THSD4: variants seen among roughly 807,000 people sequenced by gnomAD.
THSD4 encodes thrombospondin type 1 domain containing 4, also known as thrombospondin type-1 domain-containing protein 4.
In THSD4, 69 loss-of-function variants were observed where a neutral mutation model predicts 119.0. The ratio of observed to expected loss-of-function variants is 0.58; its 90% CI spans 0.48 to 0.71. The LOEUF is 0.71. Among genes scored for constraint, THSD4 ranks in the 30% least tolerant of loss-of-function variants. The probability of loss-of-function intolerance (pLI) is 0.00; values close to 1 mark genes in which losing one functional copy is unlikely to be tolerated. For missense variants in THSD4, 1,393 were observed against 1,391.1 expected (o/e 1.00, Z -0.02); for synonymous variants, 524 against 540.4 (o/e 0.97, Z 0.42).
chr15:71,359,677 G>A (rs111556851), intron 6 of THSD4, among the ~76,000 whole-genome samples: 2,992 of 152,254 alleles, frequency 0.02, 103 homozygotes, highest in African/African-American at 0.069. Context: ...AGGTGTGATG[G>A]TGTGCACCTG....
chr15:71,277,571 CCTTTTA>C, intron 6 of THSD4, among the ~76,000 whole-genome samples: 1 of 152,098 alleles, frequency 6.6e-6, no homozygotes, highest in East Asian at 1.9e-4. Flanking sequence ...TGTTTGAGGC[CCTTTTA>C]CTTAGTAACC....
intron 7 of THSD4, among the ~76,000 whole-genome samples, chr15:71,510,195 C>G (rs1017030610): frequency 6.6e-6 from 1 of 152,222 alleles, no homozygotes; most frequent in Non-Finnish European, 1.5e-5. Context: ...AGCACAGTGT[C>G]TAGTGTCTGG....
At chr15:71,512,019 ATTATT>A (rs2048290948) in intron 7 of THSD4, among the ~76,000 whole-genome samples, 2 of 152,164 alleles carry the variant, frequency 1.3e-5, no homozygotes, top group African/African-American at 4.8e-5. Flanking sequence ...GTAATGACCT[ATTATT>A]TTGGCTTCAT....
intron 6 of THSD4, among the ~76,000 whole-genome samples, chr15:71,373,375 C>T (rs944910758): frequency 4.6e-5 from 7 of 152,052 alleles, no homozygotes; most frequent in Non-Finnish European, 1.0e-4. Context: ...CTGTTATTTC[C>T]TTTCTTTATT....
intron 7 of THSD4, among the ~76,000 whole-genome samples, chr15:71,514,711 T>G (rs1052987405): frequency 3.3e-5 from 5 of 152,344 alleles, no homozygotes; most frequent in African/African-American, 9.6e-5. Flanking sequence ...ATGGTCTTAT[T>G]ATCCCGTGAT....
At chr15:71,281,979 A>G (rs936127010) in intron 6 of THSD4, among the ~76,000 whole-genome samples, 42 of 152,358 alleles carry the variant, frequency 2.8e-4, no homozygotes, top group Middle Eastern at 6.8e-3. Context: ...AAGGCCTCAG[A>G]TTCCCCATTA....
At chr15:71,172,587 A>G (rs2043379880) in intron 3 of THSD4, among the ~76,000 whole-genome samples, 1 of 149,282 alleles carries the variant, frequency 6.7e-6, no homozygotes, top group South Asian at 2.1e-4. Flanking sequence ...CATAATATTT[A>G]TATTATTAGC....
At chr15:71,721,504 C>G (rs1423096416) in intron 8 of THSD4, among the ~76,000 whole-genome samples, 1 of 34,030 alleles carries the variant, frequency 2.9e-5, no homozygotes, top group African/African-American at 4.6e-5. Context: ...GAGATTCTGT[C>G]TTAAAAAAAA....
At chr15:71,588,536 G>A (rs60236541) in intron 7 of THSD4, among the ~76,000 whole-genome samples, 10,059 of 151,886 alleles carry the variant, frequency 0.066, 366 homozygotes, top group Admixed American at 0.12. Context: ...TGATCCTCCT[G>A]CCTCAGCCTC....
chr15:71,320,680 C>A (rs2045254554), intron 6 of THSD4, among the ~76,000 whole-genome samples: 1 of 152,140 alleles, frequency 6.6e-6, no homozygotes, highest in South Asian at 2.1e-4. Context: ...AAAGCTTTTT[C>A]AAAAATGTGG....
At chr15:71,723,324 A>G (rs968590583) in intron 8 of THSD4, among the ~76,000 whole-genome samples, 1 of 152,114 alleles carries the variant, frequency 6.6e-6, no homozygotes, top group Non-Finnish European at 1.5e-5. Context: ...GCAATATTAA[A>G]TTTTTTAAAA....
chr15:71,442,660 G>GTGTA, intron 7 of THSD4, among the ~76,000 whole-genome samples: 1 of 25,828 alleles, frequency 3.9e-5, no homozygotes, highest in African/African-American at 1.1e-4. Context: ...GTGTGTGTGT[G>GTGTA]TATATATATA....
chr15:71,457,037 C>A (rs1439880167), intron 7 of THSD4, among the ~76,000 whole-genome samples: 1 of 152,054 alleles, frequency 6.6e-6, no homozygotes. Context: ...CATGAACATC[C>A]ATTAAACAAG....
chr15:71,466,796 A>G (rs923373844), intron 7 of THSD4, among the ~76,000 whole-genome samples: 17 of 152,122 alleles, frequency 1.1e-4, no homozygotes, highest in African/African-American at 3.6e-4. Context: ...AACTCTATTC[A>G]CATCACCCCT....
At chr15:71,303,566 A>G (rs542709125) in intron 6 of THSD4, among the ~76,000 whole-genome samples, 6 of 152,290 alleles carry the variant, frequency 3.9e-5, no homozygotes, top group Admixed American at 3.9e-4. Flanking sequence ...GCCTGACAGA[A>G]GTTGATATTT....
chr15:71,573,015 G>A (rs1041087862), intron 7 of THSD4, among the ~76,000 whole-genome samples: 1 of 152,126 alleles, frequency 6.6e-6, no homozygotes, highest in Admixed American at 6.6e-5. Context: ...CAAGGAGGAC[G>A]ACTTCATCCC....
At chr15:71,445,026 A>T (rs1447532202) in intron 7 of THSD4, among the ~76,000 whole-genome samples, 2 of 152,108 alleles carry the variant, frequency 1.3e-5, no homozygotes, top group African/African-American at 2.4e-5. Context: ...CATTCCAACC[A>T]TACCAAACCA....
intron 17 of THSD4, 56 bp from the exon 18 acceptor site, chr15:71,777,176 G>A (rs1025897487): frequency 6.2e-7 from 1 of 1,610,994 alleles, no homozygotes; most frequent in Non-Finnish European, 8.5e-7. Flanking sequence ...TCTTCCCACT[G>A]GTCCAGGCTG....
At chr15:71,540,436 G>A (rs7173186) in intron 7 of THSD4, among the ~76,000 whole-genome samples, 1 of 126,422 alleles carries the variant, frequency 7.9e-6, no homozygotes, top group African/African-American at 3.2e-5. Flanking sequence ...GCACCTGGCC[G>A]CCTTTTTTTT....
Sources: gnomAD v4.1 joint callset for allele counts (sites outside exome capture counted in the v4.1 genomes callset) on GRCh38, gnomAD v4.1.1 for gene constraint, MANE v1.5 for transcripts, NCBI Gene and HGNC (gene_info 2026-07-23, HGNC 2026-07-21) for gene names.